Variants in CRADD observed in about 807,000 individuals in gnomAD.
CRADD encodes death domain-containing protein CRADD.
In CRADD, 9 loss-of-function variants were observed where a neutral mutation model predicts 15.5. That is an observed-to-expected ratio of 0.58 (90% CI 0.35 to 1.01). The LOEUF (loss-of-function observed/expected upper bound fraction) is 1.01, where lower values mean the gene tolerates loss of function less well. Among genes scored for constraint, CRADD ranks in the 50% least tolerant of loss-of-function variants. The pLI is 0.02. For synonymous variants in CRADD, 118 were observed against 107.6 expected, an observed-to-expected ratio of 1.10 and a Z score of -0.60; for missense variants, 227 against 250.3, an observed-to-expected ratio of 0.91 and a Z score of 0.63.
chr12:93,797,450 A>G (rs1957431759), intron 2 of CRADD, among the ~76,000 whole-genome samples: 1 of 152,136 alleles, frequency 6.6e-6, no homozygotes, highest in South Asian at 2.1e-4. Context: ...TGGGAAAGGG[A>G]GCCCAGGAAT....
chr12:93,888,333 G>A (rs1031312341), intron 2 of CRADD, among the ~76,000 whole-genome samples: 5 of 151,640 alleles, frequency 3.3e-5, no homozygotes, highest in African/African-American at 1.2e-4. Context: ...GCTGAGGTGG[G>A]AGAATGGCAT....
At chr12:93,788,983 C>T (rs1331139982) in intron 2 of CRADD, among the ~76,000 whole-genome samples, 1 of 152,092 alleles carries the variant, frequency 6.6e-6, no homozygotes, top group Non-Finnish European at 1.5e-5. Flanking sequence ...CTGTGTTCTA[C>T]AGTTCTTAGC....
chr12:93,867,292 C>T (rs1958376075), intron 2 of CRADD, among the ~76,000 whole-genome samples: 1 of 151,072 alleles, frequency 6.6e-6, no homozygotes, highest in African/African-American at 2.4e-5. Flanking sequence ...TCCTTTCCTC[C>T]TTCGGTTTCC....
intron 2 of CRADD, among the ~76,000 whole-genome samples, chr12:93,694,250 CT>C (rs150099764): frequency 0.037 from 5,682 of 152,200 alleles, 167 homozygotes; most frequent in South Asian, 0.066. Context: ...GCAGAAAAAG[CT>C]TTCGACAAAT....
intron 2 of CRADD, among the ~76,000 whole-genome samples, chr12:93,832,710 A>G (rs1957922381): frequency 6.6e-6 from 1 of 152,224 alleles, no homozygotes; most frequent in South Asian, 2.1e-4. Flanking sequence ...ATTTTGGAGA[A>G]CAATCATCAG....
intron 2 of CRADD, among the ~76,000 whole-genome samples, chr12:93,874,300 C>T (rs1205628955): frequency 6.6e-6 from 1 of 151,872 alleles, no homozygotes; most frequent in Non-Finnish European, 1.5e-5. Context: ...TCTCCTTTTT[C>T]AATTCTGATT....
chr12:93,766,815 G>A (rs1385245254), intron 2 of CRADD, among the ~76,000 whole-genome samples: 1 of 152,220 alleles, frequency 6.6e-6, no homozygotes, highest in Non-Finnish European at 1.5e-5. Context: ...AGGGCACTGA[G>A]CTTGTTTATT....
At chr12:93,728,424 C>T (rs539754066) in intron 2 of CRADD, among the ~76,000 whole-genome samples, 1 of 152,272 alleles carries the variant, frequency 6.6e-6, no homozygotes, top group South Asian at 2.1e-4. Flanking sequence ...ATTGGTGAAA[C>T]GAGTCAATGT....
chr12:93,892,298 C>T (rs1958581615), intron 2 of CRADD, among the ~76,000 whole-genome samples: 1 of 152,162 alleles, frequency 6.6e-6, no homozygotes, highest in African/African-American at 2.4e-5. Flanking sequence ...GGATTTTTGA[C>T]ACCAATTTTC....
intron 2 of CRADD, among the ~76,000 whole-genome samples, chr12:93,739,409 C>T (rs941479745): frequency 2.6e-5 from 4 of 151,430 alleles, no homozygotes; most frequent in Non-Finnish European, 5.9e-5. Flanking sequence ...ATTAAATTAT[C>T]CTGTTTTTAG....
intron 2 of CRADD, among the ~76,000 whole-genome samples, chr12:93,688,740 A>G (rs1462738748): frequency 2.6e-5 from 4 of 152,238 alleles, no homozygotes; most frequent in African/African-American, 9.6e-5. Flanking sequence ...TTAAAGTCAC[A>G]CAACATAAAG....
intron 2 of CRADD, among the ~76,000 whole-genome samples, chr12:93,712,917 G>A (rs981614092): frequency 2.6e-5 from 4 of 152,026 alleles, no homozygotes; most frequent in Admixed American, 2.0e-4. Context: ...TGACTACTGA[G>A]CTTGGTGGCA....
intron 2 of CRADD, among the ~76,000 whole-genome samples, chr12:93,785,951 C>T (rs572087842): frequency 6.6e-6 from 1 of 152,154 alleles, no homozygotes; most frequent in African/African-American, 2.4e-5. Context: ...GTGGGATATA[C>T]AGGTAAGACA....
At chr12:93,683,735 A>T (rs975269767) in intron 2 of CRADD, among the ~76,000 whole-genome samples, 3 of 152,236 alleles carry the variant, frequency 2.0e-5, no homozygotes, top group Non-Finnish European at 2.9e-5. Context: ...TGAGTTGCAT[A>T]CTTGGATGCA....
At chr12:93,884,862 G>C (rs1416980109) in intron 2 of CRADD, among the ~76,000 whole-genome samples, 1 of 152,132 alleles carries the variant, frequency 6.6e-6, no homozygotes, top group East Asian at 1.9e-4. Flanking sequence ...ATCAGAGAGG[G>C]GGCTGAGTGC....
intron 2 of CRADD, among the ~76,000 whole-genome samples, chr12:93,773,085 G>A (rs1268493844): frequency 1.3e-5 from 2 of 152,170 alleles, no homozygotes; most frequent in African/African-American, 4.8e-5. Flanking sequence ...TTCCTCATCT[G>A]TAAAATATAA....
chr12:93,726,461 A>G (rs1165398174), intron 2 of CRADD, among the ~76,000 whole-genome samples: 2 of 152,050 alleles, frequency 1.3e-5, no homozygotes, highest in Non-Finnish European at 2.9e-5. Flanking sequence ...ATTTGAGAGC[A>G]TGTATTTATT....
chr12:93,752,154 G>A (rs1309925021), intron 2 of CRADD, among the ~76,000 whole-genome samples: 1 of 152,218 alleles, frequency 6.6e-6, no homozygotes, highest in Non-Finnish European at 1.5e-5. Context: ...CTTCATTCCC[G>A]CTGGGACCTC....
At chr12:93,756,034 T>C (rs1415775202) in intron 2 of CRADD, among the ~76,000 whole-genome samples, 1 of 152,212 alleles carries the variant, frequency 6.6e-6, no homozygotes, top group East Asian at 1.9e-4. Context: ...TACTTGTTTA[T>C]TGAGCATGGT....
Sources: allele counts gnomAD v4.1 joint callset (sites outside exome capture counted in the v4.1 genomes callset), GRCh38; gene constraint gnomAD v4.1.1; transcripts MANE v1.5; gene names NCBI Gene and HGNC (gene_info 2026-07-23, HGNC 2026-07-21).